TSPAN11: variants seen among roughly 807,000 people sequenced by gnomAD.
TSPAN11 encodes tetraspanin 11, also known as tetraspanin-11.
In TSPAN11, 29 loss-of-function variants were observed where a neutral mutation model predicts 32.9. The observed-to-expected ratio is 0.88, with a 90% CI of 0.66 to 1.20. The LOEUF (loss-of-function observed/expected upper bound fraction) is 1.20, where lower values mean the gene tolerates loss of function less well. Among genes scored for constraint, TSPAN11 ranks in the 50% most tolerant of loss-of-function variants. The pLI, the probability that TSPAN11 is intolerant of heterozygous loss-of-function variation, is 0.00. For synonymous variants in TSPAN11, 140 were observed against 141.3 expected, an observed-to-expected ratio of 0.99 and a Z score of 0.07; for missense variants, 283 against 329.1, an observed-to-expected ratio of 0.86 and a Z score of 1.08.
chr12:30,931,618 G>C (rs547886312), intron 1 of TSPAN11, among the ~76,000 whole-genome samples: 1 of 152,234 alleles, frequency 6.6e-6, no homozygotes, highest in East Asian at 1.9e-4. Flanking sequence ...GGTGGCTCAT[G>C]CCTGTAATCC....
chr12:30,979,645 C>T lies in TSPAN11; in HGVS notation c.431C>T (p.Ala144Val), dbSNP rs141799303. ...YGQPGATQITASVDRLQQDFK... is the reference protein window; with the variant it reads ...YGQPGATQITVSVDRLQQDFK... ...CAGCCCGGAGCCACGCAGATCACCG[C>T]CTCAGTGGACCGACTCCAGCAGGAT... Residue 144 changes from alanine (A) to valine (V), a missense_variant, in exon 5 of 8, where the codon GCC (alanine) becomes GTC (valine). By Grantham distance (64) the Ala-to-Val change is moderately conservative. Transcript: ENST00000546076. 44 of 1,614,188 alleles carry T rather than the reference C, an allele frequency of 2.7e-5. No homozygotes were observed. The African/African-American group carries it at 4.4e-4, about 16-fold the overall frequency.
At chr12:30,982,805 C>T in intron 6 of TSPAN11, 115 bp downstream of exon 6, 2 of 1,412,238 alleles carry the variant, frequency 1.4e-6, no homozygotes, top group East Asian at 2.5e-5. Context: ...CACATGTGCT[C>T]CTTGGCCACG....
In TSPAN11 at chr12:30,977,098, A is replaced by T. The variant is rs114955874; in HGVS notation, c.277-1463A>T. On this transcript the variant is annotated intron_variant, in intron 3 of 7. Coordinates refer to ENST00000546076, the MANE Select transcript of TSPAN11 (RefSeq NM_001370302.1). The stretch of plus-strand genomic sequence containing the variant: ...AATGAGGAGGTGGGTAATGCACTTC[A>T]TTTGAAAGGAAACCTTGCTCTTGGA... Among the ~76,000 whole-genome samples, 1,217 of 152,312 alleles carry T rather than the reference A, an allele frequency of 8.0e-3. 17 individuals carry two copies. Among genetic ancestry groups the T allele is most frequent in the African/African-American group, 0.028 (1,165 of 41,568 alleles).
chr12:30,951,031 G>T (rs1938371105), intron 1 of TSPAN11, among the ~76,000 whole-genome samples: 1 of 152,188 alleles, frequency 6.6e-6, no homozygotes, highest in Non-Finnish European at 1.5e-5. Flanking sequence ...CATAGTGGGA[G>T]TCTGTAATAT....
chr12:30,972,738 T>C (rs1938875931), intron 3 of TSPAN11, among the ~76,000 whole-genome samples: 1 of 138,862 alleles, frequency 7.2e-6, no homozygotes, highest in Admixed American at 7.7e-5. Context: ...AGGGGTGGAG[T>C]AGCAGGGAGG....
At chr12:30,953,629 G>C (rs1054559880) in intron 1 of TSPAN11, among the ~76,000 whole-genome samples, 1 of 152,250 alleles carries the variant, frequency 6.6e-6, no homozygotes, top group Admixed American at 6.5e-5. Flanking sequence ...GAGTGTGTGT[G>C]TGCGTGTAGG....
In TSPAN11 at chr12:30,933,610, A is replaced by G. The variant is rs868093242; in HGVS notation, c.-12+6814A>G. On this transcript the variant is annotated intron_variant, in intron 1 of 7. Transcript: ENST00000546076. ...CCTGAAGCTCATGGGTGTCCTCTGC[A>G]GCATCCAACCAGAGTCATTGCCCAT... Among the ~76,000 whole-genome samples the G allele has an allele frequency of 1.3e-5, 2 of 152,202 alleles. 1 individual carries two copies. The highest frequency in any genetic ancestry group is 4.8e-5 in the African/African-American group (2 of 41,450).
At chr12:30,945,187 C>G (rs1279139194) in intron 1 of TSPAN11, among the ~76,000 whole-genome samples, 1 of 152,186 alleles carries the variant, frequency 6.6e-6, no homozygotes, top group African/African-American at 2.4e-5. Flanking sequence ...ATCCCCCTGC[C>G]CCCACCACCC....
In TSPAN11 at chr12:30,956,327, C is replaced by T. The variant is rs559297827; in HGVS notation, c.84+2252C>T. On this transcript the variant is annotated intron_variant, in intron 2 of 7. Coordinates refer to ENST00000546076, the MANE Select transcript of TSPAN11 (RefSeq NM_001370302.1). Reference sequence around the variant, plus strand: ...ACATTGTTCACCAAAGTAAGCTTTACGCTTATGGTGTGTGATGCACTCAGA... The same window carrying T: ...ACATTGTTCACCAAAGTAAGCTTTATGCTTATGGTGTGTGATGCACTCAGA... Among the ~76,000 whole-genome samples, 275 of 152,332 alleles carry T rather than the reference C, an allele frequency of 1.8e-3. 1 individual carries two copies. The highest frequency in any genetic ancestry group is 6.1e-3 in the African/African-American group (255 of 41,576).
At chr12:31,011,686 C>CA in the TSPAN11 span, among the ~76,000 whole-genome samples, 351 of 146,074 alleles carry the variant, frequency 2.4e-3, 1 homozygote, top group Non-Finnish European at 3.7e-3. Flanking sequence ...CCTGTGCCAC[C>CA]AAAAAAAAAA....
intron 3 of TSPAN11, among the ~76,000 whole-genome samples, chr12:30,976,150 A>C (rs1475707283): frequency 6.6e-6 from 1 of 151,628 alleles, no homozygotes; most frequent in Admixed American, 6.6e-5. Flanking sequence ...GGGGGATCAC[A>C]CTCTGGCATG....
rs1939349134 is a variant in TSPAN11, at chr12:30,993,118, C to CT, written c.*1203_*1204insT. 1 of 152,120 alleles carries CT rather than the reference C, an allele frequency of 6.6e-6. No individual in the cohort carries two copies. The highest frequency in any genetic ancestry group is 6.5e-5 in the Admixed American group (1 of 15,274). 9.4% of individuals were successfully genotyped at this position (152,120 alleles called of 1,614,324 possible). A position where few individuals can be genotyped will look rare whatever the true frequency, so the allele number is the denominator to read the frequency against. ...TTTGTACAACACCCATAGGGACCCC[C>CT]CCAAATGGCTATTACAAAGGGGCAG... On this transcript the variant is annotated 3_prime_UTR_variant, in exon 8 of 8. Coordinates refer to ENST00000546076, the MANE Select transcript of TSPAN11 (RefSeq NM_001370302.1).
chr12:30,986,521 G>A (rs960763915), intron 7 of TSPAN11, among the ~76,000 whole-genome samples: 1 of 152,192 alleles, frequency 6.6e-6, no homozygotes, highest in African/African-American at 2.4e-5. Flanking sequence ...GTGGCCCTGA[G>A]CTACACTAAG....
chr12:30,988,741 G>A (rs538114733), intron 7 of TSPAN11, among the ~76,000 whole-genome samples: 30 of 152,192 alleles, frequency 2.0e-4, no homozygotes, highest in African/African-American at 5.8e-4. Context: ...CAGAGTCCCC[G>A]GGCTCATCTT....
chr12:31,009,182 C>T, the TSPAN11 span, among the ~76,000 whole-genome samples: 1 of 152,236 alleles, frequency 6.6e-6, no homozygotes, highest in Admixed American at 6.5e-5. Flanking sequence ...CCTCCAGACC[C>T]TGCTCACAGC....
At chr12:30,965,934 C>T (rs932915959) in intron 3 of TSPAN11, among the ~76,000 whole-genome samples, 1 of 152,156 alleles carries the variant, frequency 6.6e-6, no homozygotes, top group East Asian at 1.9e-4. Flanking sequence ...CCGTAGCCCA[C>T]GGGCCGCATG....
chr12:30,964,712 A>C (rs1431723290), intron 3 of TSPAN11, among the ~76,000 whole-genome samples: 1 of 152,208 alleles, frequency 6.6e-6, no homozygotes, highest in East Asian at 1.9e-4. Context: ...AAACATGATA[A>C]CATTACCATT....
At chr12:30,929,941 A>G (rs1592455808) in intron 1 of TSPAN11, among the ~76,000 whole-genome samples, 1 of 152,192 alleles carries the variant, frequency 6.6e-6, no homozygotes, top group African/African-American at 2.4e-5. Flanking sequence ...TCTAAGCCCC[A>G]TAGGGGGAGC....
intron 1 of TSPAN11, among the ~76,000 whole-genome samples, chr12:30,945,534 C>T (rs559140530): frequency 6.6e-6 from 1 of 152,252 alleles, no homozygotes; most frequent in Admixed American, 6.5e-5. Flanking sequence ...GCCCCTCAGC[C>T]AACAGTTGTG....
Sources: allele counts gnomAD v4.1 joint callset (sites outside exome capture counted in the v4.1 genomes callset), GRCh38; gene constraint gnomAD v4.1.1; transcripts MANE v1.5; gene names NCBI Gene and HGNC (gene_info 2026-07-23, HGNC 2026-07-21).